The following BACH2 variants were observed in gnomAD, a reference collection of about 807,000 sequenced individuals.
BACH2 encodes the protein transcription regulator protein BACH2.
Under a neutral mutation model 61.8 loss-of-function variants are expected in BACH2, and 5 were observed. That is an observed-to-expected ratio of 0.08 (90% CI 0.04 to 0.17). The LOEUF (loss-of-function observed/expected upper bound fraction) is 0.17. Ranked by LOEUF, BACH2 falls within the 10% of genes least tolerant of loss-of-function variation. BACH2 has a pLI of 1.00. For synonymous variants in BACH2, 446 were observed against 440.1 expected (o/e 1.01, Z -0.17); for missense variants, 824 against 1,091.1 (o/e 0.76, Z 3.45).
intron 6 of BACH2, among the ~76,000 whole-genome samples, chr6:89,965,415 C>G (rs1774997815): frequency 6.6e-6 from 1 of 152,194 alleles, no homozygotes; most frequent in Non-Finnish European, 1.5e-5. Context: ...CTTGATTTAT[C>G]CCATGATTTA....
At chr6:90,160,872 C>T (rs578182643) in intron 4 of BACH2, among the ~76,000 whole-genome samples, 13 of 152,174 alleles carry the variant, frequency 8.5e-5, no homozygotes, top group East Asian at 3.9e-4. Context: ...CGGTGGATCA[C>T]GAGGTCAGGA....
intron 4 of BACH2, among the ~76,000 whole-genome samples, chr6:90,136,928 C>T (rs1784290487): frequency 6.6e-6 from 1 of 151,440 alleles, no homozygotes. Context: ...AAGAAGCTAA[C>T]AGATGTGCAA....
chr6:90,037,652 A>G (rs573147275), intron 5 of BACH2, among the ~76,000 whole-genome samples: 1 of 152,324 alleles, frequency 6.6e-6, no homozygotes, highest in African/African-American at 2.4e-5. Context: ...TACTCTTTTA[A>G]AAGTTCATTA....
At chr6:89,941,066 A>T (rs1773399496) in intron 7 of BACH2, among the ~76,000 whole-genome samples, 1 of 152,168 alleles carries the variant, frequency 6.6e-6, no homozygotes, top group Non-Finnish European at 1.5e-5. Context: ...ACTGATCAAA[A>T]TGCTCTTGGG....
intron 3 of BACH2, among the ~76,000 whole-genome samples, chr6:90,219,389 T>A (rs1182694941): frequency 2.0e-5 from 3 of 152,216 alleles, no homozygotes; most frequent in African/African-American, 7.2e-5. Context: ...CTGGTTTCTA[T>A]CCACACAAGC....
intron 5 of BACH2, among the ~76,000 whole-genome samples, chr6:90,069,507 C>T (rs934835008): frequency 2.0e-5 from 3 of 152,136 alleles, no homozygotes; most frequent in African/African-American, 7.2e-5. Flanking sequence ...ACTTTAGCAA[C>T]GTCATAAAGA....
chr6:89,976,198 G>A (rs1397678787), intron 6 of BACH2, among the ~76,000 whole-genome samples: 2 of 152,264 alleles, frequency 1.3e-5, no homozygotes, highest in African/African-American at 4.8e-5. Context: ...GAGGGAATTA[G>A]GGATGAGTCT....
At position 89,951,736 on chromosome 6, in the gene BACH2, A is replaced by C. The variant is rs1473047103; in HGVS notation, c.370T>G (p.Ser124Ala). 1 of 1,614,212 alleles carries C rather than the reference A, an allele frequency of 6.2e-7. No homozygotes were observed. Residue 124 changes from serine to alanine, a missense_variant, in exon 7 of 9, where the codon TCC (serine) becomes GCC (alanine). Ser to Ala is a moderately conservative substitution (Grantham distance 99). Around this residue, in one of 8 missense-constraint regions of BACH2, gnomAD observed 107 missense variants for 121.7 expected, o/e 0.88. Coordinates refer to ENST00000257749, the MANE Select transcript of BACH2 (RefSeq NM_021813.4). The surrounding 1 kb of genome is among the most constrained non-coding windows in gnomAD (Gnocchi z 6.4). ...TGGGTCTGCAGGAAGCTGAAGCAGG[A>C]GTCCTCCAGGTTGTGCATGCGCAGG... is the stretch of plus-strand genomic sequence containing the variant. The part of the protein sequence containing the change: ...EFLRMHNLED[S>A]CFSFLQTQLL...
chr6:89,951,388 T>C lies in BACH2; in HGVS notation c.718A>G (p.Lys240Glu). The C allele has an allele frequency of 6.2e-7, 1 of 1,614,252 alleles. No homozygotes were observed. Among genetic ancestry groups the C allele is most frequent in the Non-Finnish European group, 8.5e-7 (1 of 1,180,046 alleles). ...TGTGATGATGCATTATAGACATTCT[T>C]GGTACATGCAAGCTGGTATTTCTTG... Reference protein sequence around the residue: ...RYKKYQLACTKNVYNASSHST... With the variant: ...RYKKYQLACTENVYNASSHST... The change falls in exon 7 of 9, where the codon AAG becomes GAG. Residue 240 changes from lysine to glutamate, a missense_variant. Around this residue, in one of 8 missense-constraint regions of BACH2, gnomAD observed 19 missense variants for 44.2 expected, o/e 0.43. Coordinates refer to ENST00000257749, the MANE Select transcript of BACH2 (RefSeq NM_021813.4). This position sits in a 1 kb window ranked among gnomAD's most constrained non-coding sequence, Gnocchi z 6.4.
At chr6:90,109,145 C>T (rs888905693) in intron 4 of BACH2, among the ~76,000 whole-genome samples, 2 of 152,154 alleles carry the variant, frequency 1.3e-5, no homozygotes, top group African/African-American at 4.8e-5. Flanking sequence ...ATTTCTCTTT[C>T]TTTCCTTAAC....
chr6:90,254,465 G>A (rs1327739517), intron 2 of BACH2, among the ~76,000 whole-genome samples: 1 of 151,964 alleles, frequency 6.6e-6, no homozygotes, highest in East Asian at 1.9e-4. Flanking sequence ...TCATATAATG[G>A]TATAATGCCC....
intron 5 of BACH2, among the ~76,000 whole-genome samples, chr6:90,081,710 A>T (rs528225276): frequency 1.3e-5 from 2 of 152,036 alleles, no homozygotes; most frequent in Admixed American, 1.3e-4. Context: ...TTTTTTTTTT[A>T]AACAAACAAA....
chr6:90,138,559 T>C (rs898082150), intron 4 of BACH2, among the ~76,000 whole-genome samples: 5 of 151,086 alleles, frequency 3.3e-5, no homozygotes, highest in Non-Finnish European at 3.0e-5. Flanking sequence ...TAATAGTGGG[T>C]AGAAAAAGGA....
intron 4 of BACH2, among the ~76,000 whole-genome samples, chr6:90,146,248 A>G (rs1307294286): frequency 6.6e-6 from 1 of 152,246 alleles, no homozygotes; most frequent in East Asian, 1.9e-4. Context: ...CTATGACATA[A>G]TGTACTGACC....
chr6:90,266,739 CAGGGGTTGAGGGATA>C (rs1428741045), intron 2 of BACH2, among the ~76,000 whole-genome samples: 1 of 151,904 alleles, frequency 6.6e-6, no homozygotes, highest in African/African-American at 2.4e-5. Context: ...AAGTGGTTTC[CAGGGGTTGAGGGATA>C]AGGGGAATGA....
intron 6 of BACH2, among the ~76,000 whole-genome samples, chr6:89,957,258 C>G (rs899054341): frequency 4.6e-5 from 7 of 152,370 alleles, no homozygotes; most frequent in African/African-American, 1.7e-4. Flanking sequence ...CATCACTCCT[C>G]ATCTTAATTT....
intron 3 of BACH2, among the ~76,000 whole-genome samples, chr6:90,212,650 G>A (rs1282529498): frequency 6.6e-6 from 1 of 152,118 alleles, no homozygotes; most frequent in Non-Finnish European, 1.5e-5. Context: ...ATCAACAACA[G>A]CCTTCCTCCC....
In BACH2 at chr6:89,932,601, C is replaced by G. The variant is rs747141129; in HGVS notation, c.2333G>C (p.Gly778Ala). ...GGTGTTGCTGGGTGCCCAGGGGGGT[C>G]CGGGGGGAGCCGCGCCTGGCTCCAA... is the stretch of plus-strand genomic sequence containing the variant. Reference protein sequence around the residue: ...CCLEPGAAPPGPPWAPSNTSE... With the variant: ...CCLEPGAAPPAPPWAPSNTSE... Residue 778 changes from glycine (G) to alanine (A), a missense_variant, in exon 9 of 9, where the codon GGA (glycine) becomes GCA (alanine). Physicochemically the swap from Gly to Ala is moderately conservative, Grantham distance 60. Coordinates refer to ENST00000257749, the MANE Select transcript of BACH2 (RefSeq NM_021813.4). 6.2e-7 allele frequency: 1 copy of G among 1,613,994 alleles called. No individual in the cohort carries two copies. The highest frequency in any genetic ancestry group is 8.5e-7 in the Non-Finnish European group (1 of 1,179,978).
At chr6:89,978,103 C>T (rs755542775) in intron 6 of BACH2, among the ~76,000 whole-genome samples, 7 of 152,056 alleles carry the variant, frequency 4.6e-5, no homozygotes, top group Non-Finnish European at 5.9e-5. Context: ...GGAAATAAAC[C>T]GCATTTTCAA....
Sources: allele counts gnomAD v4.1 joint callset (sites outside exome capture counted in the v4.1 genomes callset), GRCh38; gene constraint gnomAD v4.1.1; regional missense constraint gnomAD v4.1.1; non-coding constraint Gnocchi (gnomAD v3.1); transcripts MANE v1.5; gene names NCBI Gene and HGNC (gene_info 2026-07-23, HGNC 2026-07-21).